PLCL1: variants seen among roughly 807,000 people sequenced by gnomAD.
The protein encoded by PLCL1 is inactive phospholipase C-like protein 1.
Under a neutral mutation model 84.4 loss-of-function variants are expected in PLCL1, and 41 were observed. The observed-to-expected ratio is 0.49, with a 90% confidence interval of 0.38 to 0.63. PLCL1 has a LOEUF of 0.63. Ranked by LOEUF, PLCL1 falls within the 30% of genes least tolerant of loss-of-function variation. PLCL1 has a pLI of 0.00. For synonymous variants in PLCL1, 490 were observed against 488.3 expected (o/e 1.00, Z -0.05); for missense variants, 1,206 against 1,367.8 (o/e 0.88, Z 1.87).
intron 1 of PLCL1, among the ~76,000 whole-genome samples, chr2:197,865,646 C>A (rs1687514642): frequency 6.6e-6 from 1 of 151,992 alleles, no homozygotes; most frequent in Non-Finnish European, 1.5e-5. Flanking sequence ...TGCTAATTAG[C>A]ACGTTAAGTT....
At chr2:198,079,110 G>C (rs992150820) in intron 1 of PLCL1, among the ~76,000 whole-genome samples, 4 of 151,728 alleles carry the variant, frequency 2.6e-5, no homozygotes, top group African/African-American at 9.7e-5. Context: ...GTGTTTTGAA[G>C]AAAAATGATT....
intron 1 of PLCL1, among the ~76,000 whole-genome samples, chr2:198,009,868 G>A (rs1412965168): frequency 6.6e-6 from 1 of 151,898 alleles, no homozygotes; most frequent in Non-Finnish European, 1.5e-5. Flanking sequence ...GCAATGTTTT[G>A]TAGTTCTCAG....
At chr2:198,061,509 G>T (rs1271089390) in intron 1 of PLCL1, among the ~76,000 whole-genome samples, 3 of 152,100 alleles carry the variant, frequency 2.0e-5, no homozygotes, top group Non-Finnish European at 4.4e-5. Context: ...GGGAACTAGA[G>T]AAGCTGGCTT....
rs925672393 is a variant in PLCL1 at position 197,870,632 on chromosome 2, C to A, written c.240+65293C>A. Among the ~76,000 whole-genome samples the A allele has an allele frequency of 7.2e-4, 110 of 152,204 alleles. 1 individual carries two copies. The highest frequency in any genetic ancestry group is 2.6e-3 in the African/African-American group (108 of 41,542). On this transcript the variant is annotated intron_variant, in intron 1 of 5. Coordinates refer to ENST00000428675, the MANE Select transcript of PLCL1 (RefSeq NM_006226.4). ...GCGGGAAGGGAAGAGAGAAAAGTGTCAGGCTTGAACAGAAGAGAACTTTGA... is the reference window on the plus strand; with the variant it reads ...GCGGGAAGGGAAGAGAGAAAAGTGTAAGGCTTGAACAGAAGAGAACTTTGA...
chr2:198,045,024 T>C (rs1691753273), intron 1 of PLCL1, among the ~76,000 whole-genome samples: 1 of 152,228 alleles, frequency 6.6e-6, no homozygotes, highest in African/African-American at 2.4e-5. Context: ...GAGAAAAATG[T>C]GGTTGCAATG....
intron 1 of PLCL1, among the ~76,000 whole-genome samples, chr2:198,010,759 A>G (rs988989236): frequency 2.6e-5 from 4 of 151,476 alleles, no homozygotes; most frequent in African/African-American, 9.7e-5. Flanking sequence ...ACAATTATTC[A>G]GAGAAGCCAC....
chr2:197,819,164 T>C (rs1386510422), intron 1 of PLCL1, among the ~76,000 whole-genome samples: 3 of 151,990 alleles, frequency 2.0e-5, no homozygotes, highest in African/African-American at 7.2e-5. Context: ...GGCCATCCTA[T>C]GGAGAGACCT....
At chr2:197,968,687 A>T (rs937634257) in intron 1 of PLCL1, among the ~76,000 whole-genome samples, 2 of 152,192 alleles carry the variant, frequency 1.3e-5, no homozygotes, top group African/African-American at 4.8e-5. Flanking sequence ...CAGTCTCTCA[A>T]TACCAGTACA....
At chr2:198,095,064 A>G (rs781543039) in intron 3 of PLCL1, among the ~76,000 whole-genome samples, 1 of 152,184 alleles carries the variant, frequency 6.6e-6, no homozygotes, top group Non-Finnish European at 1.5e-5. Context: ...CGCAGGCTAA[A>G]TACACAAAGA....
At chr2:198,100,398 C>T (rs1481137392) in intron 3 of PLCL1, among the ~76,000 whole-genome samples, 1 of 151,882 alleles carries the variant, frequency 6.6e-6, no homozygotes, top group East Asian at 1.9e-4. Context: ...AATCAGGAAA[C>T]TAATAGAGGA....
rs770158076 is a variant in PLCL1 at position 198,084,954 on chromosome 2, C to T, written c.1437C>T (p.Ala479=). Residue 479 remains alanine (A), a synonymous_variant, in exon 2 of 6, where the codon GCC becomes GCT. Coordinates refer to ENST00000428675, the MANE Select transcript of PLCL1 (RefSeq NM_006226.4). The part of the protein sequence containing the change: ...RSVIEVINKF[A]FVASEYPLIL... The stretch of plus-strand genomic sequence containing the variant: ...TCATAGAGGTAATAAATAAATTTGC[C>T]TTTGTTGCTTCTGAATACCCACTCA... 1.7e-5 allele frequency: 28 copies of T among 1,613,966 alleles called. No individual in the cohort carries two copies. The South Asian group carries it at 2.7e-4, about 16-fold the overall frequency.
At chr2:197,845,628 G>C (rs963727804) in intron 1 of PLCL1, among the ~76,000 whole-genome samples, 3 of 151,998 alleles carry the variant, frequency 2.0e-5, no homozygotes, top group African/African-American at 4.8e-5. Flanking sequence ...GCCTCCTTTA[G>C]ATAAACATAT....
At chr2:198,101,230 A>G (rs1258120965) in intron 3 of PLCL1, 55 bp from the exon 4 acceptor site, 11 of 1,040,336 alleles carry the variant, frequency 1.1e-5, no homozygotes, top group Non-Finnish European at 1.6e-5. Flanking sequence ...CGTCTTCCCA[A>G]TGAGCCAGTT....
intron 1 of PLCL1, among the ~76,000 whole-genome samples, chr2:197,844,441 G>A (rs746790489): frequency 2.0e-5 from 3 of 152,058 alleles, no homozygotes; most frequent in Admixed American, 6.6e-5. Flanking sequence ...TTTGTGTGAA[G>A]CAATAGTTTA....
chr2:198,044,258 A>G (rs1430049882), intron 1 of PLCL1, among the ~76,000 whole-genome samples: 1 of 152,162 alleles, frequency 6.6e-6, no homozygotes, highest in Non-Finnish European at 1.5e-5. Context: ...GCTGAACTCA[A>G]CCTTGGGTTT....
rs183435100 is a variant in PLCL1 at position 198,132,690 on chromosome 2, A to G, written c.3106-14090A>G. Among the ~76,000 whole-genome samples, 348 of 152,286 alleles carry G rather than the reference A, an allele frequency of 2.3e-3. 3 individuals carry two copies. The highest frequency in any genetic ancestry group is 8.3e-3 in the African/African-American group (345 of 41,562). On this transcript the variant is annotated intron_variant, in intron 5 of 5. Coordinates refer to ENST00000428675, the MANE Select transcript of PLCL1 (RefSeq NM_006226.4). ...TTTTTCCAGGCATATATACTTACAA[A>G]GTTGATTTAAAAATAAGAATGTAGA...
Position 197,912,389 on chromosome 2 carries a change from T to C in PLCL1, c.240+107050T>C, listed in dbSNP as rs1688498892. On this transcript the variant is annotated intron_variant, in intron 1 of 5. Coordinates refer to ENST00000428675, the MANE Select transcript of PLCL1 (RefSeq NM_006226.4). ...ACCATTGTGGAAGTCAGTGTGGCGATTCCTCAGGGATCTAGAACTAGAAAT... is the reference window on the plus strand; with the variant it reads ...ACCATTGTGGAAGTCAGTGTGGCGACTCCTCAGGGATCTAGAACTAGAAAT... Among the ~76,000 whole-genome samples, 3 of 151,718 alleles carry C rather than the reference T, an allele frequency of 2.0e-5. 1 individual carries two copies. In the South Asian group the frequency reaches 6.3e-4, roughly 32 times the overall value.
chr2:197,885,705 C>A (rs1687910894), intron 1 of PLCL1, among the ~76,000 whole-genome samples: 1 of 152,202 alleles, frequency 6.6e-6, no homozygotes, highest in South Asian at 2.1e-4. Context: ...ATCTTTCTAA[C>A]TTCATGTCCA....
intron 3 of PLCL1, among the ~76,000 whole-genome samples, chr2:198,099,837 A>T (rs1165789686): frequency 1.3e-5 from 2 of 152,196 alleles, no homozygotes; most frequent in Admixed American, 1.3e-4. Context: ...TTTTACCTCA[A>T]ATAAGCATGT....
Sources: gnomAD v4.1 joint callset for allele counts (sites outside exome capture counted in the v4.1 genomes callset) on GRCh38, gnomAD v4.1.1 for gene constraint, MANE v1.5 for transcripts, NCBI Gene and HGNC (gene_info 2026-07-23, HGNC 2026-07-21) for gene names.